The following ASIC4 variants were observed in gnomAD, a reference collection of about 807,000 sequenced individuals.
The protein encoded by ASIC4 is acid-sensing ion channel 4.
ASIC4 carries 28 observed loss-of-function variants against 53.4 expected under a neutral mutation model. The ratio of observed to expected loss-of-function variants is 0.52; its 90% CI spans 0.39 to 0.72. The LOEUF is 0.72. Ranked by LOEUF, ASIC4 falls within the 30% of genes least tolerant of loss-of-function variation. The pLI is 0.00. For synonymous variants in ASIC4, 289 were observed against 301.4 expected, an observed-to-expected ratio of 0.96 and a Z score of 0.43; for missense variants, 649 against 729.7, an observed-to-expected ratio of 0.89 and a Z score of 1.27.
chr2:219,534,570 C>G (rs1482428344), intron 5 of ASIC4, among the ~76,000 whole-genome samples: 1 of 152,220 alleles, frequency 6.6e-6, no homozygotes, highest in Non-Finnish European at 1.5e-5. Context: ...GTTGGCCAAA[C>G]TGAACCCAAA....
upstream of ASIC4, among the ~76,000 whole-genome samples, chr2:219,513,303 A>C (rs965350945): frequency 6.6e-6 from 1 of 151,838 alleles, no homozygotes; most frequent in African/African-American, 2.4e-5. Context: ...GGGGCCCCAG[A>C]GCACAAGCAC....
At position 219,536,151 on chromosome 2, in the gene ASIC4, G is replaced by C. The variant is rs1410573625; in HGVS notation, c.1229+827G>C. 6.6e-6 allele frequency among the ~76,000 whole-genome samples: 1 copy of C among 152,200 alleles called. No individual in the cohort carries two copies. Among genetic ancestry groups the C allele is most frequent in the Non-Finnish European group, 1.5e-5 (1 of 68,042 alleles). The stretch of plus-strand genomic sequence containing the variant: ...CTCCACCTCCAGGGAAGTGCTTCCA[G>C]GTCCAAACACCTTTCATCTGAGTTC... On this transcript the variant is annotated intron_variant, in intron 6 of 9. Coordinates refer to ENST00000358078, the MANE Select transcript of ASIC4 (RefSeq NM_018674.6). This position sits in a 1 kb window ranked among gnomAD's most constrained non-coding sequence, Gnocchi z 4.6.
At position 219,537,876 on chromosome 2, in the gene ASIC4, C is replaced by T. The variant is rs1321944940; in HGVS notation, c.1507-57C>T. 3.3e-6 allele frequency: 5 copies of T among 1,504,824 alleles called. No homozygotes were observed. The highest frequency in any genetic ancestry group is 4.5e-6 in the Non-Finnish European group (5 of 1,102,216). The allele number at this position is 1,504,824 out of a possible 1,614,324, so 93.2% of individuals were successfully genotyped here. On this transcript the variant is annotated intron_variant, in intron 9 of 9. Coordinates refer to ENST00000358078, the MANE Select transcript of ASIC4 (RefSeq NM_018674.6). The surrounding 1 kb of genome is among the most constrained non-coding windows in gnomAD (Gnocchi z 4.9). ...ACAAGGAAAGGCTGGCGGTGTGAGC[C>T]CTGGGGGCACCACTTGAGCTCTCCC... is the stretch of plus-strand genomic sequence containing the variant.
chr2:219,533,263 G>A, intron 5 of ASIC4: 1 of 470,832 alleles, frequency 2.1e-6, no homozygotes, highest in Non-Finnish European at 3.9e-6. Context: ...TTGGTCTCAG[G>A]AAAAATGCAT....
chr2:219,530,950 G>A (rs1695032159), intron 1 of ASIC4, among the ~76,000 whole-genome samples: 1 of 152,184 alleles, frequency 6.6e-6, no homozygotes, highest in African/African-American at 2.4e-5. Context: ...CTTCCGGTAG[G>A]GAGGGGCAAG....
At chr2:219,531,298 T>C (rs1421415047) in intron 1 of ASIC4, among the ~76,000 whole-genome samples, 1 of 151,672 alleles carries the variant, frequency 6.6e-6, no homozygotes, top group East Asian at 1.9e-4. Context: ...TCTGGAAGGT[T>C]GAGGCTGCTG....
upstream of ASIC4, chr2:219,514,207 G>A: frequency 1.8e-6 from 2 of 1,088,376 alleles, no homozygotes; most frequent in Non-Finnish European, 2.5e-6. Flanking sequence ...GAGTTTGGGG[G>A]ATAGCCCCAG....
rs747438300 is a variant in ASIC4 at position 219,535,268 on chromosome 2, C to A, written c.1173C>A (p.Asn391Lys). The change falls in exon 6 of 10, where the codon AAC (asparagine) becomes AAA (lysine). Residue 391 changes from asparagine (N) to lysine (K), a missense_variant. Coordinates refer to ENST00000358078, the MANE Select transcript of ASIC4 (RefSeq NM_018674.6). ...GKEISMVRIPNRGSARYLARK... is the reference protein window; with the variant it reads ...GKEISMVRIPKRGSARYLARK... ...AGATCTCCATGGTCAGGATCCCCAA[C>A]AGGGGCTCAGCCCGGTACCTGGCGA... 1.9e-6 allele frequency: 3 copies of A among 1,613,950 alleles called. No homozygotes were observed. The Admixed American group carries it at 5.0e-5, about 27-fold the overall frequency.
Position 219,515,183 on chromosome 2 carries a change from T to C in ASIC4, c.459T>C (p.Ala153=), listed in dbSNP as rs147551339. Residue 153 remains alanine, a synonymous_variant, in exon 1 of 10, where the codon GCT becomes GCC. Coordinates refer to ENST00000358078, the MANE Select transcript of ASIC4 (RefSeq NM_018674.6). ...PPKDRDGHRA[A]GLRYPEPDMV... is the part of the protein sequence containing the mutation. ...AAGACCGGGATGGGCACCGTGCGGCTGGCCTGCGCTACCCAGAGCCTGACA... is the reference window on the plus strand; with the variant it reads ...AAGACCGGGATGGGCACCGTGCGGCCGGCCTGCGCTACCCAGAGCCTGACA... The C allele has an allele frequency of 7.4e-6, 12 of 1,614,186 alleles. No homozygotes were observed. The African/African-American group carries it at 1.1e-4, about 14-fold the overall frequency.
At chr2:219,535,496 A>ATG (rs1287615582) in intron 6 of ASIC4, among the ~76,000 whole-genome samples, 172 bp downstream of exon 6, 2 of 146,712 alleles carry the variant, frequency 1.4e-5, no homozygotes, top group Non-Finnish European at 3.0e-5. Context: ...GTGTACATGC[A>ATG]TGTGTGTGTG....
chr2:219,531,821 C>A lies in ASIC4; in HGVS notation c.646C>A (p.Arg216=). Residue 216 remains arginine, a synonymous_variant, in exon 2 of 10, where the codon CGG becomes AGG. Transcript: ENST00000358078. ...GGACCCGCGGAGCTCGCTGCCCAGC[C>A]GGGCAGGGGGCATGGGCAGTGGCCT... ...NADPRSSLPS[R]AGGMGSGLEI... 1 of 1,613,640 alleles carries A rather than the reference C, an allele frequency of 6.2e-7. No individual in the cohort carries two copies. Among genetic ancestry groups the A allele is most frequent in the Non-Finnish European group, 8.5e-7 (1 of 1,179,760 alleles).
At chr2:219,522,445 C>G (rs1166322993) in intron 1 of ASIC4, among the ~76,000 whole-genome samples, 4 of 149,318 alleles carry the variant, frequency 2.7e-5, no homozygotes, top group Non-Finnish European at 5.9e-5. Flanking sequence ...GGGCGACTGC[C>G]CGGTGGGGTC....
chr2:219,514,477 C>CG (rs752042431), upstream of ASIC4: 16 of 1,550,398 alleles, frequency 1.0e-5, no homozygotes, highest in African/African-American at 1.4e-5. Context: ...CACAAGGAGA[C>CG]GATCGAGGAG....
intron 1 of ASIC4, among the ~76,000 whole-genome samples, chr2:219,522,982 C>T (rs1694911802): frequency 6.6e-6 from 1 of 152,068 alleles, no homozygotes; most frequent in African/African-American, 2.4e-5. Context: ...GTGCGGCCCT[C>T]TGGGTGCGGG....
chr2:219,523,824 CTT>C (rs35642288), intron 1 of ASIC4, among the ~76,000 whole-genome samples: 229 of 145,980 alleles, frequency 1.6e-3, no homozygotes, highest in Middle Eastern at 6.9e-3. Context: ...CCCATAAGCA[CTT>C]TTTTTTTTTT....
At chr2:219,535,659 G>C (rs1196939541) in intron 6 of ASIC4, among the ~76,000 whole-genome samples, 1 of 152,008 alleles carries the variant, frequency 6.6e-6, no homozygotes, top group African/African-American at 2.4e-5. Context: ...GTGTGTGTGT[G>C]TGGTGGAGGC....
At chr2:219,510,106 CCT>C (rs1317083729), upstream of ASIC4, among the ~76,000 whole-genome samples, 2 of 151,970 alleles carry the variant, frequency 1.3e-5, no homozygotes, top group Non-Finnish European at 2.9e-5. This position sits in a 1 kb window ranked among gnomAD's most constrained non-coding sequence, Gnocchi z 5.2. Context: ...CCTCTTGGCC[CCT>C]GATGAAACCC....
intron 5 of ASIC4, 141 bp downstream of exon 5, chr2:219,533,080 C>T (rs779119209): frequency 1.1e-6 from 1 of 944,614 alleles, no homozygotes; most frequent in Non-Finnish European, 1.7e-6. Flanking sequence ...GCCCATACTT[C>T]AGTGGGGTTG....
chr2:219,537,844 C>G lies in ASIC4; in HGVS notation c.1507-89C>G, dbSNP rs146222240. ...TGGAGGGGGCCCTGGAGCCTCTGCC[C>G]GAGGTGACAAGGAAAGGCTGGCGGT... On this transcript the variant is annotated intron_variant, in intron 9 of 9. Coordinates refer to ENST00000358078, the MANE Select transcript of ASIC4 (RefSeq NM_018674.6). The surrounding 1 kb of genome is among the most constrained non-coding windows in gnomAD (Gnocchi z 4.9). 1.3e-6 allele frequency: 2 copies of G among 1,490,884 alleles called. No individual in the cohort carries two copies. Among genetic ancestry groups the G allele is most frequent in the Non-Finnish European group, 1.8e-6 (2 of 1,089,854 alleles). The allele number at this position is 1,490,884 out of a possible 1,614,324, so 92.4% of individuals were successfully genotyped here. A position where few individuals can be genotyped will look rare whatever the true frequency, so the allele number is the denominator to read the frequency against.
Sources: allele counts gnomAD v4.1 joint callset (sites outside exome capture counted in the v4.1 genomes callset), GRCh38; gene constraint gnomAD v4.1.1; non-coding constraint Gnocchi (gnomAD v3.1); transcripts MANE v1.5; gene names NCBI Gene and HGNC (gene_info 2026-07-23, HGNC 2026-07-21).